ADAM22: variants seen among roughly 807,000 people sequenced by gnomAD.
The protein encoded by ADAM22 is disintegrin and metalloproteinase domain-containing protein 22.
ADAM22 carries 65 observed loss-of-function variants against 144.6 expected under a neutral mutation model. The observed-to-expected ratio is 0.45, with a 90% confidence interval of 0.37 to 0.55. The LOEUF (loss-of-function observed/expected upper bound fraction) is 0.55, where lower values mean the gene tolerates loss of function less well. Ranked by LOEUF, ADAM22 falls within the 20% of genes least tolerant of loss-of-function variation. The pLI is 0.00. For synonymous variants in ADAM22, 391 were observed against 412.6 expected (o/e 0.95, Z 0.63); for missense variants, 974 against 1,184.9 (o/e 0.82, Z 2.61).
chr7:87,984,794 T>C (rs1393725408), intron 3 of ADAM22, among the ~76,000 whole-genome samples: 1 of 151,970 alleles, frequency 6.6e-6, no homozygotes, highest in Non-Finnish European at 1.5e-5. Context: ...AATCCTCCCA[T>C]CTCAGCCTCC....
In ADAM22 at chr7:88,125,678, G is replaced by T; in HGVS notation, c.678+19G>T. On this transcript the variant is annotated intron_variant, in intron 8 of 31. Coordinates refer to ENST00000413139, the MANE Select transcript of ADAM22 (RefSeq NM_001324418.2). ...ACGGCAGGTATGTATTCACAGTGGT[G>T]TGTCGTGTTATTTTAAAACAATTGT... The T allele has an allele frequency of 6.4e-7, 1 of 1,554,752 alleles. No individual in the cohort carries two copies. The highest frequency in any genetic ancestry group is 8.7e-7 in the Non-Finnish European group (1 of 1,153,908).
In ADAM22 at chr7:88,200,967, G is replaced by T. The variant is rs989144210; in HGVS notation, c.*4476G>T. The T allele has an allele frequency of 6.6e-6, 1 of 152,236 alleles. No individual in the cohort carries two copies. Among genetic ancestry groups the T allele is most frequent in the Admixed American group, 6.5e-5 (1 of 15,268 alleles). 9.4% of individuals were successfully genotyped at this position (152,236 alleles called of 1,614,324 possible). ...ATCCCAGCTGTGTGTGAGTAGCCCCGCTGTTAAAAGTACACCTGCTGGGAA... is the reference window on the plus strand; with the variant it reads ...ATCCCAGCTGTGTGTGAGTAGCCCCTCTGTTAAAAGTACACCTGCTGGGAA... On this transcript the variant is annotated 3_prime_UTR_variant, in exon 32 of 32. Transcript: ENST00000413139.
chr7:88,145,363 T>TCCTGAAAGTAA, intron 16 of ADAM22, 52 bp from the exon 17 acceptor site: 1 of 1,534,776 alleles, frequency 6.5e-7, no homozygotes, highest in Non-Finnish European at 8.9e-7. Flanking sequence ...CCTGTTACTT[T>TCCTGAAAGTAA]CAGGAAAGTG....
At chr7:88,093,244 G>A (rs1349406152) in intron 4 of ADAM22, among the ~76,000 whole-genome samples, 3 of 151,332 alleles carry the variant, frequency 2.0e-5, no homozygotes, top group Non-Finnish European at 2.9e-5. Flanking sequence ...TGAACAGAAA[G>A]TAGTAGAAAT....
At chr7:88,187,720 A>G (rs927669331) in intron 30 of ADAM22, among the ~76,000 whole-genome samples, 2 of 152,186 alleles carry the variant, frequency 1.3e-5, no homozygotes. Context: ...AACAGATATC[A>G]AAATATGTAT....
intron 3 of ADAM22, among the ~76,000 whole-genome samples, chr7:88,006,482 C>T (rs890375842): frequency 2.2e-4 from 34 of 152,120 alleles, no homozygotes; most frequent in Admixed American, 2.2e-3. Context: ...CCTTGATGAA[C>T]ATTGATGCAA....
chr7:88,037,755 C>T (rs574569404), intron 3 of ADAM22, among the ~76,000 whole-genome samples: 53 of 152,202 alleles, frequency 3.5e-4, no homozygotes, highest in African/African-American at 1.3e-3. Flanking sequence ...TACAATTATA[C>T]CGGCTTTCTA....
chr7:88,080,725 T>C (rs1443325583), intron 4 of ADAM22, among the ~76,000 whole-genome samples: 3 of 152,062 alleles, frequency 2.0e-5, no homozygotes, highest in East Asian at 1.9e-4. Flanking sequence ...AACACCTCTA[T>C]GCAAATAAAC....
chr7:87,956,583 C>A (rs573095912), intron 2 of ADAM22, among the ~76,000 whole-genome samples: 26 of 152,224 alleles, frequency 1.7e-4, no homozygotes, highest in African/African-American at 6.3e-4. Context: ...CAAAAAGAAA[C>A]CTTATGCCCA....
intron 26 of ADAM22, among the ~76,000 whole-genome samples, chr7:88,172,073 TAAGGA>T (rs1385257745): frequency 2.0e-5 from 3 of 151,848 alleles, no homozygotes; most frequent in Non-Finnish European, 4.4e-5. Flanking sequence ...TATCTCTGCA[TAAGGA>T]ATTTTTTGTA....
chr7:88,170,099 C>T (rs1843946239), intron 25 of ADAM22, among the ~76,000 whole-genome samples: 1 of 151,910 alleles, frequency 6.6e-6, no homozygotes, highest in East Asian at 1.9e-4. Context: ...CTGTTCATTC[C>T]TCAATATATA....
intron 2 of ADAM22, among the ~76,000 whole-genome samples, chr7:87,958,374 A>T (rs201795202): frequency 4.6e-5 from 7 of 151,724 alleles, no homozygotes; most frequent in Non-Finnish European, 2.9e-5. Flanking sequence ...AAGTTTTTTT[A>T]AATTTTTTTT....
At chr7:88,039,108 A>T (rs1228816092) in intron 3 of ADAM22, among the ~76,000 whole-genome samples, 58 of 152,056 alleles carry the variant, frequency 3.8e-4, no homozygotes, top group Non-Finnish European at 1.3e-4. Flanking sequence ...AAAGGATGGT[A>T]GTCATAATCA....
chr7:88,153,471 C>A lies in ADAM22; in HGVS notation c.1787+145C>A, dbSNP rs573583828. 1.4e-4 allele frequency: 89 copies of A among 638,122 alleles called. 1 individual carries two copies. The highest frequency in any genetic ancestry group is 8.5e-4 in the East Asian group (29 of 34,036). The allele number at this position is 638,122 out of a possible 1,614,324, so 39.5% of individuals were successfully genotyped here. A position where few individuals can be genotyped will look rare whatever the true frequency, so the allele number is the denominator to read the frequency against. ...TCATCTCTTCCCAGTGTTCCAGCAT[C>A]ACCTGTGCAGAGGGCTTCCAAATCT... On this transcript the variant is annotated intron_variant, in intron 21 of 31. Coordinates refer to ENST00000413139, the MANE Select transcript of ADAM22 (RefSeq NM_001324418.2).
At position 87,935,016 on chromosome 7, in the gene ADAM22, C is replaced by G. The variant is rs753681190; in HGVS notation, c.86-10C>G. 6.2e-7 allele frequency: 1 copy of G among 1,614,040 alleles called. No homozygotes were observed. The highest frequency in any genetic ancestry group is 1.7e-5 in the Admixed American group (1 of 60,002). ...TCTCCACTCCCTCCTTTCCCGGTTC[C>G]TGCCTGGAGGAGACGCCTCATTGAT... On this transcript the variant is annotated splice_polypyrimidine_tract_variant and intron_variant, in intron 1 of 31. Transcript: ENST00000413139.
intron 18 of ADAM22, 133 bp from the exon 19 acceptor site, chr7:88,150,848 A>G (rs1474189170): frequency 3.1e-6 from 2 of 650,736 alleles, no homozygotes; most frequent in Non-Finnish European, 5.2e-6. Flanking sequence ...CCTCCTTTGC[A>G]TTTTGTTTTA....
chr7:87,989,302 CCTGA>C (rs1272646938), intron 3 of ADAM22, among the ~76,000 whole-genome samples: 5 of 152,072 alleles, frequency 3.3e-5, no homozygotes, highest in African/African-American at 1.2e-4. Context: ...TGATTTTTAT[CCTGA>C]CTCATTTTTG....
At chr7:88,022,574 T>C (rs533172324) in intron 3 of ADAM22, among the ~76,000 whole-genome samples, 1 of 152,306 alleles carries the variant, frequency 6.6e-6, no homozygotes, top group African/African-American at 2.4e-5. Flanking sequence ...TACCATTCTG[T>C]TTTTCTAGAG....
At chr7:87,998,477 G>A (rs1791768483) in intron 3 of ADAM22, among the ~76,000 whole-genome samples, 3 of 152,020 alleles carry the variant, frequency 2.0e-5, no homozygotes, top group African/African-American at 7.2e-5. Context: ...TGCAACCTCC[G>A]CCTCCCAGGT....
Sources: gnomAD v4.1 joint callset for allele counts (sites outside exome capture counted in the v4.1 genomes callset) on GRCh38, gnomAD v4.1.1 for gene constraint, MANE v1.5 for transcripts, NCBI Gene and HGNC (gene_info 2026-07-23, HGNC 2026-07-21) for gene names.